Variants in IKBKE observed in about 807,000 individuals in gnomAD.
IKBKE encodes the protein inhibitor of nuclear factor kappa-B kinase subunit epsilon.
In IKBKE, 45 loss-of-function variants were observed where a neutral mutation model predicts 92.1. The observed-to-expected ratio is 0.49, with a 90% CI of 0.38 to 0.63. IKBKE has a LOEUF of 0.63. IKBKE is among the 20% of genes least tolerant of loss of function. The probability of loss-of-function intolerance (pLI) is 0.00; values close to 1 mark genes in which losing one functional copy is unlikely to be tolerated. For synonymous variants in IKBKE, 374 were observed against 380.3 expected (o/e 0.98, Z 0.19); for missense variants, 700 against 932.8 (o/e 0.75, Z 3.25).
chr1:206,480,033 C>A lies in IKBKE; in HGVS notation c.1260C>A (p.Gly420=). 6.2e-7 allele frequency: 1 copy of A among 1,608,298 alleles called. No homozygotes were observed. The highest frequency in any genetic ancestry group is 8.5e-7 in the Non-Finnish European group (1 of 1,177,746). ...TCTCTGTGTTTCAGGGCGTGTTGGG[C>A]GCCGGCTACCAGGCCCTGCGGCTGG... ...ADYNTAKGVL[G]AGYQALRLAR... is the part of the protein sequence containing the mutation. The change falls in exon 12 of 22, where the codon GGC becomes GGA. Residue 420 remains glycine, a synonymous_variant. Transcript: ENST00000581977.
intron 2 of IKBKE, among the ~76,000 whole-genome samples, chr1:206,472,186 G>C (rs1361867269): frequency 2.0e-5 from 3 of 152,122 alleles, no homozygotes; most frequent in Admixed American, 6.5e-5. Context: ...AGGGGGTGGA[G>C]GTTGCAGTGA....
Position 206,478,800 on chromosome 1 carries a change from C to T in IKBKE, c.993-143C>T. 1 of 708,678 alleles carries T rather than the reference C, an allele frequency of 1.4e-6. No homozygotes were observed. Among genetic ancestry groups the T allele is most frequent in the Non-Finnish European group, 2.5e-6 (1 of 396,830 alleles). 43.9% of individuals were successfully genotyped at this position (708,678 alleles called of 1,614,324 possible). A position where few individuals can be genotyped will look rare whatever the true frequency, so the allele number is the denominator to read the frequency against. On this transcript the variant is annotated intron_variant, in intron 9 of 21. Transcript: ENST00000581977. The surrounding 1 kb of genome is among the most constrained non-coding windows in gnomAD (Gnocchi z 4.8). ...CCCTTGGTCTCTCCACCCTTGATGA[C>T]AGAGAAAACCACCCCCGTCCCTCCC...
In IKBKE at chr1:206,474,354, GA is replaced by G. The variant is rs782510817; in HGVS notation, c.113del (p.Lys38ArgfsTer16). The G allele has an allele frequency of 1.9e-6, 3 of 1,613,994 alleles. No homozygotes were observed. Among genetic ancestry groups the G allele is most frequent in the Non-Finnish European group, 2.5e-6 (3 of 1,179,900 alleles). The stretch of plus-strand genomic sequence containing the variant: ...AGAAATCCGGAGAGCTGGTTGCTGT[GA>G]AGGTCTTCAACACTACCAGCTACCT... ...NKKSGELVAV[K>X]VFNTTSYLRP... On this transcript the variant is annotated frameshift_variant, in exon 4 of 22. Transcript: ENST00000581977. LOFTEE classifies it high-confidence loss of function.
Position 206,487,532 on chromosome 1 carries a change from A to G in IKBKE, c.1617-382A>G, listed in dbSNP as rs1447177941. Among the ~76,000 whole-genome samples, 2 of 152,084 alleles carry G rather than the reference A, an allele frequency of 1.3e-5. No homozygotes were observed. Among genetic ancestry groups the G allele is most frequent in the African/African-American group, 4.8e-5 (2 of 41,414 alleles). On this transcript the variant is annotated intron_variant, in intron 15 of 21. Coordinates refer to ENST00000581977, the MANE Select transcript of IKBKE (RefSeq NM_014002.4). The surrounding 1 kb of genome is among the most constrained non-coding windows in gnomAD (Gnocchi z 5.3). ...TAGCTCCCCTCTATCCCCAGCTGTC[A>G]CTGCCAGACACGCTCTTAGGTTTCA...
chr1:206,485,560 A>T lies in IKBKE; in HGVS notation c.1616+254A>T, dbSNP rs1290441918. 2.6e-5 allele frequency among the ~76,000 whole-genome samples: 4 copies of T among 152,222 alleles called. No individual in the cohort carries two copies. The highest frequency in any genetic ancestry group is 2.9e-5 in the Non-Finnish European group (2 of 68,034). ...GTTTGAGGAATGCCTCGGGAATCTT[A>T]GCAGGTGCTATAATTCTGAATAAAA... On this transcript the variant is annotated intron_variant, in intron 15 of 21. Transcript: ENST00000581977. The surrounding 1 kb of genome is among the most constrained non-coding windows in gnomAD (Gnocchi z 5.0).
At chr1:206,493,486 G>T in intron 20 of IKBKE, 108 bp downstream of exon 20, 1 of 803,978 alleles carries the variant, frequency 1.2e-6, no homozygotes. Flanking sequence ...CCAGGCCTAG[G>T]AGGCAAGATT....
chr1:206,492,500 C>T (rs782478193), intron 18 of IKBKE: 1 of 471,370 alleles, frequency 2.1e-6, no homozygotes, highest in Non-Finnish European at 4.4e-6. Context: ...TGCTCTGGAG[C>T]AGGGCTTGGA....
intron 13 of IKBKE, 77 bp downstream of exon 13, chr1:206,480,610 T>G (rs1665329667): frequency 2.0e-6 from 2 of 983,796 alleles, no homozygotes; most frequent in South Asian, 1.4e-5. Context: ...CTTCCAACAA[T>G]GCACCTCTTC....
intron 2 of IKBKE, among the ~76,000 whole-genome samples, chr1:206,471,854 G>A (rs2103444180): frequency 1.3e-5 from 2 of 152,362 alleles, no homozygotes; most frequent in Non-Finnish European, 2.9e-5. Flanking sequence ...AAAGTTCAGA[G>A]CGAAGGAACA....
chr1:206,473,142 G>GGCCA, intron 2 of IKBKE, 54 bp from the exon 3 acceptor site: 1 of 1,081,458 alleles, frequency 9.2e-7, no homozygotes, highest in Non-Finnish European at 1.4e-6. Context: ...GGCCACCAGC[G>GGCCA]GCCACCCTGT....
In IKBKE at chr1:206,475,042, C is replaced by A. The variant is rs782128550; in HGVS notation, c.358+48C>A. 3 of 1,600,260 alleles carry A rather than the reference C, an allele frequency of 1.9e-6. No individual in the cohort carries two copies. The African/African-American group carries it at 4.0e-5, about 21-fold the overall frequency. On this transcript the variant is annotated intron_variant, in intron 5 of 21. Coordinates refer to ENST00000581977, the MANE Select transcript of IKBKE (RefSeq NM_014002.4). ...CTCCACCCTCAGACCAGCGGCAGGCCTGGGACAGATGCTGACAGGACTCAG... is the reference window on the plus strand; with the variant it reads ...CTCCACCCTCAGACCAGCGGCAGGCATGGGACAGATGCTGACAGGACTCAG...
chr1:206,496,540 G>C lies in IKBKE; in HGVS notation c.*395G>C, dbSNP rs549641727. 7.2e-6 allele frequency: 2 copies of C among 276,276 alleles called. No homozygotes were observed. The highest frequency in any genetic ancestry group is 1.9e-4 in the South Asian group (2 of 10,622). The allele number at this position is 276,276 out of a possible 1,614,324, so 17.1% of individuals were successfully genotyped here. ...AGCCAACAGGAGAGGAGGCCTCCTG[G>C]GGTTTCCCCAGGGCAGTAGGTCAAA... On this transcript the variant is annotated 3_prime_UTR_variant, in exon 22 of 22. Transcript: ENST00000581977.
At chr1:206,486,155 T>G (rs1665647468) in intron 15 of IKBKE, among the ~76,000 whole-genome samples, 1 of 152,274 alleles carries the variant, frequency 6.6e-6, no homozygotes, top group Non-Finnish European at 1.5e-5. Context: ...GTTCTTGTGG[T>G]TCTTTGGAGA....
intron 12 of IKBKE, among the ~76,000 whole-genome samples, 156 bp downstream of exon 12, chr1:206,480,269 AGAGGGGGAGGCGGGCTG>A (rs1263338404): frequency 1.0e-4 from 4 of 38,296 alleles, no homozygotes; most frequent in Non-Finnish European, 1.4e-4. Context: ...AGGTGGGCAG[AGAGGGGGAGGCGGGCTG>A]GAGGGGGAGG....
chr1:206,482,175 G>C (rs1278161391), intron 13 of IKBKE, among the ~76,000 whole-genome samples: 1 of 152,166 alleles, frequency 6.6e-6, no homozygotes, highest in Non-Finnish European at 1.5e-5. Flanking sequence ...CGGGGGAAAG[G>C]AGGGGATGCT....
chr1:206,474,740 G>A (rs1343917970), intron 4 of IKBKE, 125 bp from the exon 5 acceptor site: 12 of 1,188,284 alleles, frequency 1.0e-5, no homozygotes, highest in Non-Finnish European at 1.4e-5. Flanking sequence ...GCCAAGGAGG[G>A]AAGGCCAGGC....
intron 2 of IKBKE, among the ~76,000 whole-genome samples, chr1:206,472,035 A>C (rs966139856): frequency 7.9e-5 from 12 of 152,218 alleles, no homozygotes; most frequent in African/African-American, 2.7e-4. Flanking sequence ...GGATTGCCTG[A>C]GCTCAGGAGT....
intron 2 of IKBKE, 170 bp from the exon 3 acceptor site, chr1:206,473,026 G>A (rs1664863070): frequency 6.8e-6 from 4 of 591,406 alleles, no homozygotes; most frequent in Middle Eastern, 8.0e-4. Flanking sequence ...TCCTTTTGGG[G>A]AAGTTACTTA....
chr1:206,472,949 C>A, intron 2 of IKBKE: 2 of 444,532 alleles, frequency 4.5e-6, no homozygotes, highest in South Asian at 2.6e-5. Flanking sequence ...CCAGGACAGG[C>A]AGCAGGTGGA....
Sources: allele counts gnomAD v4.1 joint callset (sites outside exome capture counted in the v4.1 genomes callset), GRCh38; gene constraint gnomAD v4.1.1; non-coding constraint Gnocchi (gnomAD v3.1); transcripts MANE v1.5; gene names NCBI Gene and HGNC (gene_info 2026-07-23, HGNC 2026-07-21).